Variants in CDH13 observed in about 807,000 individuals in gnomAD.
The protein encoded by CDH13 is cadherin-13.
Under a neutral mutation model 63.8 loss-of-function variants are expected in CDH13, and 24 were observed. The observed-to-expected ratio is 0.38, with a 90% confidence interval of 0.27 to 0.53. The LOEUF (loss-of-function observed/expected upper bound fraction) is 0.53, where lower values mean the gene tolerates loss of function less well. Among genes scored for constraint, CDH13 ranks in the 20% least tolerant of loss-of-function variants. CDH13 has a pLI of 0.85. For synonymous variants in CDH13, 503 were observed against 355.3 expected, an observed-to-expected ratio of 1.42 and a Z score of -4.67; for missense variants, 1,049 against 903.1, an observed-to-expected ratio of 1.16 and a Z score of -2.07.
At chr16:83,566,738 C>A (rs1368040354) in intron 7 of CDH13, among the ~76,000 whole-genome samples, 1 of 152,166 alleles carries the variant, frequency 6.6e-6, no homozygotes, top group Non-Finnish European at 1.5e-5. Context: ...GTTGTCATCA[C>A]CTGTTCAGAT....
At chr16:83,762,868 G>C (rs1914087867) in intron 11 of CDH13, among the ~76,000 whole-genome samples, 1 of 152,146 alleles carries the variant, frequency 6.6e-6, no homozygotes, top group African/African-American at 2.4e-5. Flanking sequence ...TGCAAACAAT[G>C]AAGACAAATA....
intron 5 of CDH13, among the ~76,000 whole-genome samples, chr16:83,242,962 C>G (rs957618596): frequency 6.6e-6 from 1 of 152,190 alleles, no homozygotes; most frequent in African/African-American, 2.4e-5. Context: ...TTTTCTTACT[C>G]TTTATAAGAA....
chr16:83,472,138 C>G (rs1009606841), intron 6 of CDH13, among the ~76,000 whole-genome samples: 5 of 152,164 alleles, frequency 3.3e-5, no homozygotes, highest in Non-Finnish European at 4.4e-5. Context: ...CCAACCCCAT[C>G]AGGTGAAAAC....
intron 7 of CDH13, among the ~76,000 whole-genome samples, chr16:83,546,359 C>T (rs1005436668): frequency 6.6e-6 from 1 of 151,836 alleles, no homozygotes; most frequent in Non-Finnish European, 1.5e-5. Context: ...GGCTCAAGTG[C>T]CTTCATTTAA....
rs1156756606 is a variant in CDH13 at position 83,797,454 on chromosome 16, A to G, written c.*2424A>G. ...TATGCCTCAACTTTCCCTTATTTAA[A>G]CATATTCTCTGTCCCCACAGTTCTA... On this transcript the variant is annotated 3_prime_UTR_variant, in exon 14 of 14. Transcript: ENST00000567109. 6.6e-6 allele frequency: 1 copy of G among 152,246 alleles called. No homozygotes were observed. The highest frequency in any genetic ancestry group is 1.5e-5 in the Non-Finnish European group (1 of 68,038). 9.4% of individuals were successfully genotyped at this position (152,246 alleles called of 1,614,324 possible).
At chr16:83,126,811 C>G (rs996382289) in intron 4 of CDH13, among the ~76,000 whole-genome samples, 10 of 152,164 alleles carry the variant, frequency 6.6e-5, no homozygotes, top group African/African-American at 2.4e-4. Flanking sequence ...ATGTGATATG[C>G]TGGACTCCAA....
At chr16:83,028,207 G>A (rs764756237) in intron 2 of CDH13, among the ~76,000 whole-genome samples, 6 of 152,184 alleles carry the variant, frequency 3.9e-5, no homozygotes, top group Non-Finnish European at 7.3e-5. Context: ...TCCAGTGGAT[G>A]AATACTAATT....
chr16:82,835,172 G>C (rs138142749), intron 1 of CDH13, among the ~76,000 whole-genome samples: 1 of 152,218 alleles, frequency 6.6e-6, no homozygotes, highest in African/African-American at 2.4e-5. Flanking sequence ...TTCATACCAC[G>C]TCTTTAAAAT....
intron 6 of CDH13, among the ~76,000 whole-genome samples, chr16:83,479,638 C>G (rs776484419): frequency 1.4e-4 from 19 of 136,684 alleles, no homozygotes; most frequent in Non-Finnish European, 1.9e-4. Context: ...GCCTGGTGGA[C>G]TGAGTGAGAC....
chr16:82,998,689 T>A (rs973176306), intron 2 of CDH13, among the ~76,000 whole-genome samples: 4 of 152,180 alleles, frequency 2.6e-5, no homozygotes, highest in African/African-American at 9.6e-5. Context: ...TGACAAGTAG[T>A]TATCAGCAGT....
chr16:83,155,596 A>C (rs2037174989), intron 4 of CDH13, among the ~76,000 whole-genome samples: 1 of 152,138 alleles, frequency 6.6e-6, no homozygotes, highest in African/African-American at 2.4e-5. Flanking sequence ...TTAAATGTGC[A>C]TGTTAGGCAA....
intron 2 of CDH13, among the ~76,000 whole-genome samples, chr16:82,923,758 C>T (rs989746650): frequency 7.9e-5 from 12 of 152,302 alleles, no homozygotes; most frequent in South Asian, 6.2e-4. Flanking sequence ...CCTCTTACTT[C>T]GCTTCCTCTT....
intron 11 of CDH13, among the ~76,000 whole-genome samples, chr16:83,748,799 C>A (rs1912827956): frequency 6.6e-6 from 1 of 152,172 alleles, no homozygotes; most frequent in Non-Finnish European, 1.5e-5. Context: ...GGGGGCGCAG[C>A]AGTAAACAAA....
intron 7 of CDH13, among the ~76,000 whole-genome samples, chr16:83,535,050 C>T (rs559170450): frequency 3.3e-4 from 51 of 152,326 alleles, no homozygotes; most frequent in African/African-American, 1.2e-3. Flanking sequence ...GTAACACTCA[C>T]AGGTCCTGGG....
At chr16:83,424,100 A>C (rs753142046) in intron 6 of CDH13, among the ~76,000 whole-genome samples, 4 of 151,890 alleles carry the variant, frequency 2.6e-5, no homozygotes, top group Non-Finnish European at 5.9e-5. Context: ...AGTCTAGAAG[A>C]GGGAAATCCA....
At chr16:83,185,744 C>G (rs1567488134) in intron 4 of CDH13, among the ~76,000 whole-genome samples, 1 of 152,196 alleles carries the variant, frequency 6.6e-6, no homozygotes, top group Non-Finnish European at 1.5e-5. Context: ...TAAACAGGCA[C>G]TGTTGTTTGA....
At chr16:83,688,166 T>G (rs758425691) in intron 10 of CDH13, among the ~76,000 whole-genome samples, 44 of 152,234 alleles carry the variant, frequency 2.9e-4, no homozygotes, top group Non-Finnish European at 5.3e-4. Context: ...AATCTAATAT[T>G]GGAGCTCATT....
chr16:83,154,265 T>G (rs1269314221), intron 4 of CDH13, among the ~76,000 whole-genome samples: 1 of 152,094 alleles, frequency 6.6e-6, no homozygotes, highest in Non-Finnish European at 1.5e-5. Flanking sequence ...GAGATAAAAA[T>G]GTATCTTTTG....
intron 3 of CDH13, among the ~76,000 whole-genome samples, chr16:83,044,107 T>C (rs190436707): frequency 3.3e-5 from 5 of 152,314 alleles, no homozygotes; most frequent in Admixed American, 1.3e-4. Context: ...CCTTTGGCCT[T>C]AGAGCCCCTC....
Sources: allele counts gnomAD v4.1 joint callset (sites outside exome capture counted in the v4.1 genomes callset), GRCh38; gene constraint gnomAD v4.1.1; transcripts MANE v1.5; gene names NCBI Gene and HGNC (gene_info 2026-07-23, HGNC 2026-07-21).